NR3C2: variants seen among roughly 807,000 people sequenced by gnomAD.
The protein encoded by NR3C2 is nuclear receptor subfamily 3 group C member 2, also known as mineralocorticoid receptor.
In NR3C2, 15 loss-of-function variants were observed where a neutral mutation model predicts 86.4. The observed-to-expected ratio is 0.17, with a 90% CI of 0.12 to 0.27. NR3C2 has a LOEUF of 0.27. NR3C2 is among the 10% of genes least tolerant of loss of function. The pLI is 1.00. For missense variants in NR3C2, 960 were observed against 1,195.6 expected (o/e 0.80, Z 2.91); for synonymous variants, 458 against 450.5 (o/e 1.02, Z -0.21).
At chr4:148,318,010 T>G (rs907870238) in intron 2 of NR3C2, among the ~76,000 whole-genome samples, 3 of 144,742 alleles carry the variant, frequency 2.1e-5, no homozygotes, top group African/African-American at 7.7e-5. Context: ...TATCTCCCAA[T>G]GCTATCCCTC....
rs985263133 is a variant in NR3C2, at chr4:148,436,220, G to C, written c.641C>G (p.Ser214Cys). The C allele has an allele frequency of 3.7e-6, 6 of 1,614,048 alleles. No individual in the cohort carries two copies. Among genetic ancestry groups the C allele is most frequent in the African/African-American group, 1.3e-5 (1 of 74,920 alleles). ...ACTGCCAAAGCTGGCTGTGGTGGAG[G>C]ACACAGAGTTGATTCCAGCAGGGCT... ...VCSPAGINSV[S>C]STTASFGSFP... The change falls in exon 2 of 9, where the codon TCC becomes TGC. Residue 214 changes from serine (S) to cysteine (C), a missense_variant. This residue lies in a region of NR3C2 where 680 missense variants were observed against 719.0 expected (regional missense o/e 0.95). Coordinates refer to ENST00000358102, the MANE Select transcript of NR3C2 (RefSeq NM_000901.5).
intron 2 of NR3C2, among the ~76,000 whole-genome samples, chr4:148,342,539 T>C (rs972073012): frequency 2.0e-5 from 3 of 152,162 alleles, no homozygotes; most frequent in Non-Finnish European, 2.9e-5. Flanking sequence ...GTATTTCATA[T>C]CTGATGAAGC....
intron 2 of NR3C2, among the ~76,000 whole-genome samples, chr4:148,328,894 T>C (rs1744092746): frequency 6.6e-6 from 1 of 152,238 alleles, no homozygotes; most frequent in South Asian, 2.1e-4. Flanking sequence ...CAGACTTCAA[T>C]GTGCAGGTTC....
At chr4:148,212,964 A>G (rs1737352751) in intron 3 of NR3C2, among the ~76,000 whole-genome samples, 1 of 152,222 alleles carries the variant, frequency 6.6e-6, no homozygotes, top group South Asian at 2.1e-4. Flanking sequence ...AGTGCATTTT[A>G]AGGTATAAAA....
upstream of NR3C2, chr4:148,444,779 G>C: frequency 1.0e-6 from 1 of 984,490 alleles, no homozygotes; most frequent in Non-Finnish European, 1.2e-6. Context: ...CCCGCCCCCA[G>C]CGGCGGCGGC....
chr4:148,109,097 T>A (rs1430941983), intron 8 of NR3C2, among the ~76,000 whole-genome samples: 1 of 152,164 alleles, frequency 6.6e-6, no homozygotes, highest in African/African-American at 2.4e-5. Context: ...CCACCAGCTA[T>A]CTAGGAACCT....
chr4:148,160,718 T>C (rs766605840), intron 4 of NR3C2, among the ~76,000 whole-genome samples: 1 of 152,152 alleles, frequency 6.6e-6, no homozygotes, highest in Non-Finnish European at 1.5e-5. Flanking sequence ...TTAAAATATA[T>C]ATATTTTCTG....
intron 2 of NR3C2, among the ~76,000 whole-genome samples, chr4:148,388,614 T>G (rs114262945): frequency 6.6e-6 from 1 of 152,096 alleles, no homozygotes; most frequent in African/African-American, 2.4e-5. Flanking sequence ...AGACAGAAAA[T>G]TTTTTAAATG....
intron 2 of NR3C2, among the ~76,000 whole-genome samples, chr4:148,383,973 A>C (rs1280047305): frequency 6.9e-6 from 1 of 145,646 alleles, no homozygotes; most frequent in Non-Finnish European, 1.5e-5. Flanking sequence ...AAAAAAAAGC[A>C]CCTTTTAAAA....
intron 4 of NR3C2, among the ~76,000 whole-genome samples, chr4:148,181,510 G>A (rs539941622): frequency 4.6e-5 from 7 of 152,288 alleles, no homozygotes; most frequent in African/African-American, 1.7e-4. Context: ...CTAACGGCTG[G>A]CTAAATTTAG....
At chr4:148,236,990 C>A (rs1239212838) in intron 3 of NR3C2, among the ~76,000 whole-genome samples, 2 of 152,290 alleles carry the variant, frequency 1.3e-5, no homozygotes, top group Non-Finnish European at 1.5e-5. Flanking sequence ...GGAAAGAAGC[C>A]AAAGGATTCT....
intron 2 of NR3C2, among the ~76,000 whole-genome samples, chr4:148,327,765 GT>G (rs1160919121): frequency 6.6e-6 from 1 of 152,080 alleles, no homozygotes; most frequent in Non-Finnish European, 1.5e-5. Context: ...AGATGAAATT[GT>G]TTGGTCTCAT....
chr4:148,274,065 G>A (rs181110007), intron 2 of NR3C2, among the ~76,000 whole-genome samples: 57 of 150,388 alleles, frequency 3.8e-4, no homozygotes, highest in African/African-American at 1.4e-3. Context: ...GGGCTTGACA[G>A]GTAATAAAAG....
intron 3 of NR3C2, among the ~76,000 whole-genome samples, chr4:148,228,501 A>T (rs1474424014): frequency 6.6e-6 from 1 of 152,176 alleles, no homozygotes; most frequent in African/African-American, 2.4e-5. Flanking sequence ...CCAGCTTTTC[A>T]TTGGGTAGTC....
At chr4:148,400,127 A>C (rs1748068289) in intron 2 of NR3C2, among the ~76,000 whole-genome samples, 1 of 152,228 alleles carries the variant, frequency 6.6e-6, no homozygotes, top group Admixed American at 6.5e-5. Flanking sequence ...AGCATCAAGG[A>C]ATTCTTTGTA....
chr4:148,107,210 CA>C (rs1731840009), intron 8 of NR3C2, among the ~76,000 whole-genome samples: 2 of 151,920 alleles, frequency 1.3e-5, no homozygotes, highest in Admixed American at 1.3e-4. Context: ...AGACCCTTCT[CA>C]AAAGACATTT....
chr4:148,188,149 G>T (rs1173783195), intron 4 of NR3C2, among the ~76,000 whole-genome samples: 3 of 152,172 alleles, frequency 2.0e-5, no homozygotes, highest in African/African-American at 4.8e-5. Flanking sequence ...CAGGTAATGG[G>T]ATGTCTCCAG....
At chr4:148,176,904 T>C (rs1197007650) in intron 4 of NR3C2, among the ~76,000 whole-genome samples, 1 of 152,236 alleles carries the variant, frequency 6.6e-6, no homozygotes, top group Non-Finnish European at 1.5e-5. Context: ...TTATTTTCAT[T>C]CCCATTTAAA....
At chr4:148,232,095 C>T (rs1738495188) in intron 3 of NR3C2, among the ~76,000 whole-genome samples, 2 of 152,174 alleles carry the variant, frequency 1.3e-5, no homozygotes, top group Admixed American at 1.3e-4. Context: ...TTAACTTCTT[C>T]CAAACTCCTG....
Sources: allele counts gnomAD v4.1 joint callset (sites outside exome capture counted in the v4.1 genomes callset), GRCh38; gene constraint gnomAD v4.1.1; regional missense constraint gnomAD v4.1.1; transcripts MANE v1.5; gene names NCBI Gene and HGNC (gene_info 2026-07-23, HGNC 2026-07-21).